Variants in FANCA observed in about 807,000 individuals in gnomAD.
FANCA encodes FA complementation group A.
FANCA carries 236 observed loss-of-function variants against 194.3 expected under a neutral mutation model. The ratio of observed to expected loss-of-function variants is 1.21; its 90% CI spans 1.09 to 1.35. The LOEUF (loss-of-function observed/expected upper bound fraction) is 1.35. FANCA is among the 40% of genes most tolerant of loss of function. The pLI is 0.00. For synonymous variants in FANCA, 1,014 were observed against 715.8 expected (o/e 1.42, Z -6.65); for missense variants, 2,628 against 1,813.9 (o/e 1.45, Z -8.15).
At chr16:89,748,459 G>C (rs545747520) in intron 33 of FANCA, among the ~76,000 whole-genome samples, 200 bp downstream of exon 33, 31 of 152,238 alleles carry the variant, frequency 2.0e-4, no homozygotes, top group Non-Finnish European at 4.0e-4. Context: ...CCTACAGCTG[G>C]TTTGGTGATG....
rs1598185375 is a variant in FANCA, at chr16:89,808,711, C to A, written c.523-344G>T. On this transcript the variant is annotated intron_variant, in intron 5 of 42. Transcript: ENST00000389301. ...GACATGACAGTCTCTCCTTCAGAAG[C>A]CTTCACTGGCTCCTCGAAGCTGCCA... Among the ~76,000 whole-genome samples, 5 of 152,286 alleles carry A rather than the reference C, an allele frequency of 3.3e-5. No individual in the cohort carries two copies. In the South Asian group the frequency reaches 1.0e-3, roughly 32 times the overall value.
intron 39 of FANCA, 40 bp from the exon 40 acceptor site, chr16:89,739,593 T>G (rs2062072910): frequency 2.6e-6 from 4 of 1,545,592 alleles, no homozygotes; most frequent in African/African-American, 2.7e-5. Flanking sequence ...TCTGGACATC[T>G]CTGCCTATTA....
Position 89,803,254 on chromosome 16 carries a change from C to A in FANCA, c.792+5G>T. The A allele has an allele frequency of 2.5e-6, 4 of 1,613,952 alleles. No homozygotes were observed. The highest frequency in any genetic ancestry group is 2.5e-6 in the Non-Finnish European group (3 of 1,179,796). On this transcript the variant is annotated splice_donor_5th_base_variant and intron_variant, in intron 8 of 42. Transcript: ENST00000389301. ...CTAAACTCTTCACTTGACTTTTCCT[C>A]CTACCTGCGGCATTTTTTCAGGCTC...
At position 89,798,999 on chromosome 16, in the gene FANCA, G is replaced by A; in HGVS notation, c.893+167C>T. The A allele has an allele frequency of 2.5e-6, 4 of 1,614,144 alleles. No homozygotes were observed. The South Asian group carries it at 3.3e-5, about 13-fold the overall frequency. ...AAAGGCTGACCAGAGCGTTCCCCGG[G>A]CTTTCCCATGGTCGCCTCCTCCTCA... is the stretch of plus-strand genomic sequence containing the variant. On this transcript the variant is annotated intron_variant, in intron 10 of 42. Transcript: ENST00000389301.
chr16:89,772,468 T>C (rs2039358511), intron 22 of FANCA, among the ~76,000 whole-genome samples: 2 of 152,192 alleles, frequency 1.3e-5, no homozygotes. Flanking sequence ...ATCACGCCAC[T>C]GCACTCCAGC....
At chr16:89,764,800 C>G (rs762287603) in intron 28 of FANCA, 90 bp downstream of exon 28, 11 of 1,447,796 alleles carry the variant, frequency 7.6e-6, no homozygotes, top group Middle Eastern at 1.7e-4. Flanking sequence ...AAGGAACGGT[C>G]ACCTACGTGC....
chr16:89,746,030 C>T (rs2038377108), intron 35 of FANCA, among the ~76,000 whole-genome samples: 2 of 152,148 alleles, frequency 1.3e-5, no homozygotes, highest in Non-Finnish European at 1.5e-5. Flanking sequence ...GAAGGAAGGG[C>T]GACAGCTGTG....
At chr16:89,806,125 C>A (rs1171751936) in intron 6 of FANCA, among the ~76,000 whole-genome samples, 1 of 152,112 alleles carries the variant, frequency 6.6e-6, no homozygotes, top group Non-Finnish European at 1.5e-5. Flanking sequence ...GTTGGACAGG[C>A]TGGTCTTGAA....
chr16:89,789,069 G>A (rs2039984665), intron 14 of FANCA, among the ~76,000 whole-genome samples: 1 of 151,972 alleles, frequency 6.6e-6, no homozygotes, highest in Non-Finnish European at 1.5e-5. Flanking sequence ...AGCACCAGGT[G>A]GATTCTGGCA....
At chr16:89,759,703 G>A (rs1022230212) in intron 29 of FANCA, among the ~76,000 whole-genome samples, 7 of 152,214 alleles carry the variant, frequency 4.6e-5, no homozygotes, top group Non-Finnish European at 7.3e-5. Flanking sequence ...GGAAGCTGCC[G>A]TGAGCCGTGA....
Position 89,803,249 on chromosome 16 carries a change from TTCC to T in FANCA, c.792+7_792+9del. 1 of 1,613,728 alleles carries T rather than the reference TTCC, an allele frequency of 6.2e-7. No homozygotes were observed. The highest frequency in any genetic ancestry group is 8.5e-7 in the Non-Finnish European group (1 of 1,179,596). ...TTCCGCTAAACTCTTCACTTGACTT[TTCC>T]TCCTACCTGCGGCATTTTTTCAGGC... On this transcript the variant is annotated splice_region_variant and intron_variant, in intron 8 of 42. Coordinates refer to ENST00000389301, the MANE Select transcript of FANCA (RefSeq NM_000135.4).
chr16:89,777,039 G>A (rs897331726), intron 20 of FANCA, among the ~76,000 whole-genome samples: 2 of 152,068 alleles, frequency 1.3e-5, no homozygotes, highest in African/African-American at 2.4e-5. Context: ...GCGAAAATCC[G>A]TGTCCTCAAA....
rs771815968 is a variant in FANCA at position 89,746,873 on chromosome 16, G to C, written c.3366C>G (p.His1122Gln). Reference protein sequence around the residue: ...VNSEMRNFCSHGGALTQDITA... With the variant: ...VNSEMRNFCSQGGALTQDITA... Reference sequence around the variant, plus strand: ...TGATGTCCTGTGTCAGGGCACCTCCGTGGGAGCAGAAGTTTCTCTGCAAAA... The same window carrying C: ...TGATGTCCTGTGTCAGGGCACCTCCCTGGGAGCAGAAGTTTCTCTGCAAAA... The change falls in exon 34 of 43, where the codon CAC (histidine) becomes CAG (glutamine). Residue 1122 changes from histidine to glutamine, a missense_variant. His to Gln is a conservative substitution (Grantham distance 24). Coordinates refer to ENST00000389301, the MANE Select transcript of FANCA (RefSeq NM_000135.4). The C allele has an allele frequency of 6.4e-7, 1 of 1,558,664 alleles. No homozygotes were observed. Among genetic ancestry groups the C allele is most frequent in the Admixed American group, 1.9e-5 (1 of 52,108 alleles).
chr16:89,811,036 C>G lies in FANCA; in HGVS notation c.319G>C (p.Val107Leu). The change falls in exon 4 of 43, where the codon GTT becomes CTT. Residue 107 changes from valine (V) to leucine (L), a missense_variant. Val to Leu is a conservative substitution (Grantham distance 32). Coordinates refer to ENST00000389301, the MANE Select transcript of FANCA (RefSeq NM_000135.4). ...ALQDQASRLG[V>L]PVGILSAGMV... ...CCGGCTGAGAGAATACCCACGGGAA[C>G]CCCCAGCCTTGAGGCTTGATCCTGC... 1 of 1,614,058 alleles carries G rather than the reference C, an allele frequency of 6.2e-7. No homozygotes were observed. Among genetic ancestry groups the G allele is most frequent in the Non-Finnish European group, 8.5e-7 (1 of 1,180,036 alleles).
At position 89,791,472 on chromosome 16, in the gene FANCA, C is replaced by A. The variant is rs1800332; in HGVS notation, c.1290G>T (p.Ala430=). The A allele has an allele frequency of 2.0e-5, 33 of 1,614,142 alleles. No individual in the cohort carries two copies. The highest frequency in any genetic ancestry group is 3.3e-4 in the Middle Eastern group (2 of 6,062). Residue 430 remains alanine, a synonymous_variant, in exon 14 of 43, where the codon GCG becomes GCT. Transcript: ENST00000389301. ...ESCQLDSMVT[A]FLVVRQAALE... is the part of the protein sequence containing the mutation. ...GTGCTGCCTGGCGCACAACCAGGAA[C>A]GCAGTGACCATGCTGTCCAGCTGGC...
In FANCA at chr16:89,737,824, G is replaced by A; in HGVS notation, c.*777C>T. On this transcript the variant is annotated 3_prime_UTR_variant, in exon 43 of 43. Coordinates refer to ENST00000389301, the MANE Select transcript of FANCA (RefSeq NM_000135.4). ...CTCTCAGAGGTGCGGAACTATATCT[G>A]TGACGAATGTGGACAAACCTTCAAG... is the stretch of plus-strand genomic sequence containing the variant. 6.2e-7 allele frequency: 1 copy of A among 1,614,186 alleles called. No homozygotes were observed. The highest frequency in any genetic ancestry group is 8.5e-7 in the Non-Finnish European group (1 of 1,180,034).
intron 8 of FANCA, among the ~76,000 whole-genome samples, chr16:89,800,194 T>C (rs952643144): frequency 1.3e-5 from 2 of 152,222 alleles, no homozygotes; most frequent in African/African-American, 2.4e-5. Context: ...AGAGTTTTGC[T>C]GAAGTACTTC....
At chr16:89,770,445 C>T in intron 24 of FANCA, 119 bp downstream of exon 24, 3 of 1,095,254 alleles carry the variant, frequency 2.7e-6, no homozygotes, top group Non-Finnish European at 4.1e-6. Flanking sequence ...TGATGAAACT[C>T]AGCATCGCCG....
In FANCA at chr16:89,810,774, G is replaced by C. The variant is rs1470737194; in HGVS notation, c.455C>G (p.Ala152Gly). 4 of 1,613,530 alleles carry C rather than the reference G, an allele frequency of 2.5e-6. No individual in the cohort carries two copies. The highest frequency in any genetic ancestry group is 3.4e-6 in the Non-Finnish European group (4 of 1,179,432). The change falls in exon 5 of 43, where the codon GCT becomes GGT. Residue 152 changes from alanine (A) to glycine (G), a missense_variant. Transcript: ENST00000389301. ...RKKLSSLLEF[A>G]QYLLAHSMFS... ...CATACTGTGTGCCAATAAATACTGA[G>C]CAAACTCTAACAGGGAAGACAGCTT...
Sources: allele counts gnomAD v4.1 joint callset (sites outside exome capture counted in the v4.1 genomes callset), GRCh38; gene constraint gnomAD v4.1.1; transcripts MANE v1.5; gene names NCBI Gene and HGNC (gene_info 2026-07-23, HGNC 2026-07-21).